Variants in ZBTB20 observed in about 807,000 individuals in gnomAD.
ZBTB20 encodes the protein zinc finger and BTB domain-containing protein 20.
Under a neutral mutation model 56.9 loss-of-function variants are expected in ZBTB20, and 9 were observed. The ratio of observed to expected loss-of-function variants is 0.16; its 90% CI spans 0.10 to 0.28. The LOEUF (loss-of-function observed/expected upper bound fraction) is 0.28, where lower values mean the gene tolerates loss of function less well. Ranked by LOEUF, ZBTB20 falls within the 10% of genes least tolerant of loss-of-function variation. ZBTB20 has a pLI of 1.00. For missense variants in ZBTB20, 655 were observed against 1,003.0 expected (o/e 0.65, Z 4.69); for synonymous variants, 417 against 420.7 (o/e 0.99, Z 0.11).
chr3:114,469,010 CAAAAAAAAA>C (rs1164804884), intron 7 of ZBTB20, among the ~76,000 whole-genome samples: 10 of 67,052 alleles, frequency 1.5e-4, no homozygotes, highest in Admixed American at 1.0e-3. Flanking sequence ...TCAAGAGAAG[CAAAAAAAAA>C]AAAAAAAAAA....
rs141221275 is a variant in ZBTB20 at position 115,041,154 on chromosome 3, C to T, written c.-507+30065G>A. ...TTGAGTTCAATGGAATCTTAAATTTCTCTTGCAGAAGTTGCCATTCGTCTT... is the reference window on the plus strand; with the variant it reads ...TTGAGTTCAATGGAATCTTAAATTTTTCTTGCAGAAGTTGCCATTCGTCTT... On this transcript the variant is annotated intron_variant, in intron 2 of 11. Transcript: ENST00000675478. Among the ~76,000 whole-genome samples the T allele has an allele frequency of 6.4e-4, 97 of 152,192 alleles. 1 individual carries two copies. Among genetic ancestry groups the T allele is most frequent in the Middle Eastern group, 3.4e-3 (1 of 294 alleles).
chr3:114,348,340 A>C (rs2080363779), intron 11 of ZBTB20, among the ~76,000 whole-genome samples: 1 of 152,204 alleles, frequency 6.6e-6, no homozygotes, highest in Admixed American at 6.5e-5. Context: ...AGGGGAGGAA[A>C]GGATATAAAC....
chr3:114,740,748 A>G (rs1179696020), intron 5 of ZBTB20, among the ~76,000 whole-genome samples: 1 of 152,178 alleles, frequency 6.6e-6, no homozygotes, highest in African/African-American at 2.4e-5. Flanking sequence ...TTCTCATGAT[A>G]TCTTTTGAGA....
intron 7 of ZBTB20, among the ~76,000 whole-genome samples, chr3:114,476,636 G>T (rs1351854540): frequency 2.6e-5 from 4 of 152,082 alleles, no homozygotes; most frequent in African/African-American, 9.7e-5. Context: ...CCACTCTCAT[G>T]ATAACTAATG....
At chr3:114,992,288 A>G (rs536973874) in intron 2 of ZBTB20, among the ~76,000 whole-genome samples, 3 of 152,154 alleles carry the variant, frequency 2.0e-5, no homozygotes, top group East Asian at 3.9e-4. Flanking sequence ...TATATTAATC[A>G]TATACATACT....
At chr3:114,609,993 C>T (rs541115442) in intron 6 of ZBTB20, among the ~76,000 whole-genome samples, 21 of 152,122 alleles carry the variant, frequency 1.4e-4, no homozygotes, top group African/African-American at 4.3e-4. Flanking sequence ...TAAGTGAGAA[C>T]GAGAACTAAC....
intron 4 of ZBTB20, among the ~76,000 whole-genome samples, chr3:114,842,190 C>T (rs80298746): frequency 6.6e-6 from 1 of 152,270 alleles, no homozygotes; most frequent in African/African-American, 2.4e-5. Flanking sequence ...CATGCCATTA[C>T]TCTACTCCCA....
chr3:114,687,549 T>C (rs897428869), intron 6 of ZBTB20: 11 of 141,176 alleles, frequency 7.8e-5, no homozygotes, highest in Non-Finnish European at 1.7e-4. Flanking sequence ...TAACAATCCA[T>C]AGGGAGATTT....
intron 3 of ZBTB20, among the ~76,000 whole-genome samples, chr3:114,963,637 G>A (rs1254340750): frequency 2.0e-5 from 3 of 152,054 alleles, no homozygotes; most frequent in Non-Finnish European, 4.4e-5. Context: ...AATAATCAAT[G>A]GTGAGTATTT....
chr3:114,409,053 A>C (rs979660634), intron 7 of ZBTB20, among the ~76,000 whole-genome samples: 2 of 151,782 alleles, frequency 1.3e-5, no homozygotes, highest in Admixed American at 1.3e-4. Flanking sequence ...GCAGGAAAAA[A>C]CCAAAAAGGC....
At chr3:114,579,385 C>G (rs1350261152) in intron 6 of ZBTB20, among the ~76,000 whole-genome samples, 1 of 151,208 alleles carries the variant, frequency 6.6e-6, no homozygotes, top group Non-Finnish European at 1.5e-5. Flanking sequence ...TAAAATTGAA[C>G]AAAACTACGT....
At chr3:115,085,272 G>A (rs2082943439) in intron 1 of ZBTB20, among the ~76,000 whole-genome samples, 1 of 151,868 alleles carries the variant, frequency 6.6e-6, no homozygotes, top group Admixed American at 6.6e-5. Flanking sequence ...TAATTGCGTG[G>A]CCTAACAACA....
rs539814329 is a variant in ZBTB20 at position 114,762,290 on chromosome 3, T to C, written c.-343+38811A>G. Among the ~76,000 whole-genome samples, 7 of 152,322 alleles carry C rather than the reference T, an allele frequency of 4.6e-5. No individual in the cohort carries two copies. The South Asian group carries it at 1.2e-3, about 27-fold the overall frequency. ...GGGAAGCCACCACTCAGTATAATCA[T>C]ATGCTCTTTTCAAATAATCCCATGC... On this transcript the variant is annotated intron_variant, in intron 5 of 11. Coordinates refer to ENST00000675478, the MANE Select transcript of ZBTB20 (RefSeq NM_001348800.3).
intron 4 of ZBTB20, among the ~76,000 whole-genome samples, chr3:114,868,956 G>T (rs901757229): frequency 1.3e-5 from 2 of 151,982 alleles, no homozygotes; most frequent in Non-Finnish European, 2.9e-5. Flanking sequence ...CATATGATAA[G>T]AATGTTTGTT....
chr3:114,642,661 T>C (rs1303486896), intron 6 of ZBTB20, among the ~76,000 whole-genome samples: 3 of 152,072 alleles, frequency 2.0e-5, no homozygotes, highest in African/African-American at 7.2e-5. Flanking sequence ...TATTTAGCCA[T>C]AGCAAGCTAA....
chr3:114,856,986 T>TA (rs1304130772), intron 4 of ZBTB20, among the ~76,000 whole-genome samples: 4 of 152,100 alleles, frequency 2.6e-5, no homozygotes, highest in South Asian at 2.1e-4. Context: ...TCTTACATAT[T>TA]AAAAAAAAGT....
At chr3:114,545,586 C>T (rs1373810627) in intron 6 of ZBTB20, among the ~76,000 whole-genome samples, 2 of 152,098 alleles carry the variant, frequency 1.3e-5, no homozygotes, top group Non-Finnish European at 2.9e-5. Flanking sequence ...TAGAGATTAG[C>T]AATAGGGCAG....
chr3:114,731,690 GATTAGTAACTAACCCGGCTGTACCT>G, intron 5 of ZBTB20, among the ~76,000 whole-genome samples: 2 of 151,694 alleles, frequency 1.3e-5, no homozygotes, highest in African/African-American at 4.9e-5. Flanking sequence ...GCTGTACCTA[GATTAGTAACTAACCCGGCTGTACCT>G]AGATTAGTAA....
intron 5 of ZBTB20, among the ~76,000 whole-genome samples, chr3:114,780,550 C>T (rs1051538674): frequency 2.6e-5 from 4 of 152,092 alleles, no homozygotes; most frequent in African/African-American, 4.8e-5. Context: ...TGCAGTGGTG[C>T]GATCTCGGCT....
Sources: gnomAD v4.1 joint callset for allele counts (sites outside exome capture counted in the v4.1 genomes callset) on GRCh38, gnomAD v4.1.1 for gene constraint, MANE v1.5 for transcripts, NCBI Gene and HGNC (gene_info 2026-07-23, HGNC 2026-07-21) for gene names.